KIF11: variants seen among roughly 807,000 people sequenced by gnomAD.
The protein encoded by KIF11 is kinesin-like protein KIF11.
In KIF11, 9 loss-of-function variants were observed where a neutral mutation model predicts 121.0. The observed-to-expected ratio is 0.07, with a 90% CI of 0.04 to 0.13. The LOEUF (loss-of-function observed/expected upper bound fraction) is 0.13. Among genes scored for constraint, KIF11 ranks in the 10% least tolerant of loss-of-function variants. The probability of loss-of-function intolerance (pLI) is 1.00; values close to 1 mark genes in which losing one functional copy is unlikely to be tolerated. For synonymous variants in KIF11, 408 were observed against 421.0 expected, an observed-to-expected ratio of 0.97 and a Z score of 0.38; for missense variants, 846 against 1,217.5, an observed-to-expected ratio of 0.69 and a Z score of 4.54.
intron 6 of KIF11, among the ~76,000 whole-genome samples, chr10:92,611,809 G>A (rs1179930177): frequency 2.6e-5 from 4 of 152,140 alleles, no homozygotes; most frequent in Non-Finnish European, 4.4e-5. Flanking sequence ...TGAGGCAGGA[G>A]AACTGCTTGA....
chr10:92,594,758 G>A (rs1486445550), intron 1 of KIF11, among the ~76,000 whole-genome samples: 1 of 152,012 alleles, frequency 6.6e-6, no homozygotes. Context: ...TCTTGAACTT[G>A]ATGTTTATGA....
At chr10:92,619,469 A>T (rs1404906746) in intron 9 of KIF11, among the ~76,000 whole-genome samples, 1 of 152,202 alleles carries the variant, frequency 6.6e-6, no homozygotes, top group Non-Finnish European at 1.5e-5. Flanking sequence ...ATTTATAGGT[A>T]TTTATGTAAA....
Position 92,653,962 on chromosome 10 carries a change from T to C in KIF11, c.*166T>C, listed in dbSNP as rs1358615239. The C allele has an allele frequency of 1.0e-5, 5 of 491,856 alleles. No individual in the cohort carries two copies. In the East Asian group the frequency reaches 1.2e-4, roughly 11 times the overall value. 30.5% of individuals were successfully genotyped at this position (491,856 alleles called of 1,614,324 possible). A position where few individuals can be genotyped will look rare whatever the true frequency, so the allele number is the denominator to read the frequency against. ...ACTTTGGGAGGCTGAGGCGGGTGGATTGCTTGAGCCCAGGAGTTTGAGACC... is the reference window on the plus strand; with the variant it reads ...ACTTTGGGAGGCTGAGGCGGGTGGACTGCTTGAGCCCAGGAGTTTGAGACC... On this transcript the variant is annotated 3_prime_UTR_variant, in exon 22 of 22. Transcript: ENST00000260731.
Position 92,639,900 on chromosome 10 carries a change from A to T in KIF11, c.2267A>T (p.Gln756Leu). 6.7e-7 allele frequency: 1 copy of T among 1,495,738 alleles called. No individual in the cohort carries two copies. Among genetic ancestry groups the T allele is most frequent in the Non-Finnish European group, 9.2e-7 (1 of 1,084,054 alleles). 92.7% of individuals were successfully genotyped at this position (1,495,738 alleles called of 1,614,324 possible). The change falls in exon 17 of 22, where the codon CAG becomes CTG. Residue 756 changes from glutamine to leucine, a missense_variant and splice_region_variant. By Grantham distance (113) the Gln-to-Leu change is moderately radical. Transcript: ENST00000260731. ...AGTAGTGTCCAGGAAAATATACAGC[A>T]GTAAGCTATTTTTAAATTCTCTTAA... ...PLSSVQENIQ[Q>L]KSKDIVNKMT...
chr10:92,648,340 A>G lies in KIF11; in HGVS notation c.2676A>G (p.Ile892Met), dbSNP rs769501836. 4 of 1,612,770 alleles carry G rather than the reference A, an allele frequency of 2.5e-6. No homozygotes were observed. The South Asian group carries it at 4.4e-5, about 18-fold the overall frequency. ...TGACTATTGATGAAGATAAATTGAT[A>G]GCACAAAATCTAGAACTTAATGAAA... ...DQMTIDEDKLIAQNLELNETI... is the reference protein window; with the variant it reads ...DQMTIDEDKLMAQNLELNETI... Residue 892 changes from isoleucine to methionine, a missense_variant, in exon 19 of 22, where the codon ATA becomes ATG. Coordinates refer to ENST00000260731, the MANE Select transcript of KIF11 (RefSeq NM_004523.4).
chr10:92,609,297 AGAGAGAGTGTGTGTGTGTGTGT>A (rs1208384612), intron 5 of KIF11, 66 bp from the exon 6 acceptor site: 9 of 850,822 alleles, frequency 1.1e-5, no homozygotes, highest in East Asian at 1.8e-4. Context: ...AGAGAGAGAG[AGAGAGAGTGTGTGTGTGTGTGT>A]GTGTGTGTGT....
chr10:92,612,918 T>C (rs1844512996), intron 6 of KIF11, 122 bp from the exon 7 acceptor site: 1 of 599,046 alleles, frequency 1.7e-6, no homozygotes, highest in Admixed American at 3.0e-5. Context: ...TGATATCTCC[T>C]GTCTGATGTT....
chr10:92,615,927 C>A (rs1589595157), intron 8 of KIF11, among the ~76,000 whole-genome samples: 1 of 150,794 alleles, frequency 6.6e-6, no homozygotes, highest in East Asian at 2.0e-4. Flanking sequence ...GCAGTCTTCG[C>A]CACCCGGGTT....
intron 4 of KIF11, among the ~76,000 whole-genome samples, chr10:92,608,446 G>GGTT (rs1554859517): frequency 1.7e-4 from 26 of 148,818 alleles, no homozygotes; most frequent in African/African-American, 6.2e-4. Context: ...TGAACTTGGC[G>GGTT]TTTTTTTTTT....
At chr10:92,644,851 TTA>T (rs527753015) in intron 17 of KIF11, among the ~76,000 whole-genome samples, 1 of 152,224 alleles carries the variant, frequency 6.6e-6, no homozygotes, top group Non-Finnish European at 1.5e-5. Flanking sequence ...TATATCAAGT[TTA>T]TGTTACATTG....
At chr10:92,649,767 T>C in intron 19 of KIF11, 68 bp from the exon 20 acceptor site, 3 of 1,075,736 alleles carry the variant, frequency 2.8e-6, no homozygotes, top group Non-Finnish European at 4.0e-6. Flanking sequence ...TTAGGAAGTT[T>C]TAGGTTTTTT....
chr10:92,620,024 C>A (rs900159464), intron 9 of KIF11, among the ~76,000 whole-genome samples: 2 of 149,630 alleles, frequency 1.3e-5, no homozygotes, highest in Non-Finnish European at 3.0e-5. Context: ...AAAACTAATT[C>A]ATAAGCAGTA....
At chr10:92,620,914 G>A (rs1452310238) in intron 9 of KIF11, among the ~76,000 whole-genome samples, 1 of 152,246 alleles carries the variant, frequency 6.6e-6, no homozygotes, top group Admixed American at 6.5e-5. Context: ...ATGAGATTTA[G>A]GTGGGGACAC....
intron 6 of KIF11, among the ~76,000 whole-genome samples, chr10:92,610,534 G>T (rs1844484266): frequency 6.6e-6 from 1 of 152,008 alleles, no homozygotes; most frequent in Non-Finnish European, 1.5e-5. Context: ...AACAGAAGTG[G>T]TTTTTTTGTG....
At chr10:92,598,312 A>G (rs552573925) in intron 1 of KIF11, among the ~76,000 whole-genome samples, 1 of 152,166 alleles carries the variant, frequency 6.6e-6, no homozygotes, top group Non-Finnish European at 1.5e-5. Flanking sequence ...TCTTTTGCAT[A>G]TGGATATTTA....
chr10:92,609,511 TAAG>T lies in KIF11; in HGVS notation c.698+5_698+7del. 1 of 1,605,794 alleles carries T rather than the reference TAAG, an allele frequency of 6.2e-7. No individual in the cohort carries two copies. Among genetic ancestry groups the T allele is most frequent in the Non-Finnish European group, 8.5e-7 (1 of 1,177,644 alleles). ...TACTCTGATGAATGCATACTCTAGG[TAAG>T]AAAGCCATAGTCTCTTCCCTAGCCC... On this transcript the variant is annotated splice_donor_5th_base_variant and intron_variant, in intron 6 of 21. Transcript: ENST00000260731.
chr10:92,624,078 G>T (rs1844645372), intron 10 of KIF11, among the ~76,000 whole-genome samples: 1 of 151,904 alleles, frequency 6.6e-6, no homozygotes, highest in Non-Finnish European at 1.5e-5. Context: ...GGTGACTATT[G>T]TTCCCTTCCT....
rs1349360207 is a variant in KIF11, at chr10:92,633,623, G to A, written c.1703G>A (p.Gly568Asp). ...ATCTTTCTGTTTTTGTTTGTTATAG[G>A]TAATCTGCTGTCTTCCAGTGTCTCT... Reference protein sequence around the residue: ...AMLEVHKTLFGNLLSSSVSAL... With the variant: ...AMLEVHKTLFDNLLSSSVSAL... Residue 568 changes from glycine to aspartate, a missense_variant and splice_region_variant, in exon 14 of 22, where the codon GGT becomes GAT. Physicochemically the swap from Gly to Asp is moderately conservative, Grantham distance 94. This residue lies in a region of KIF11 where 492 missense variants were observed against 603.4 expected (regional missense o/e 0.82). Transcript: ENST00000260731. The A allele has an allele frequency of 4.4e-6, 7 of 1,595,542 alleles. No homozygotes were observed. The highest frequency in any genetic ancestry group is 5.1e-6 in the Non-Finnish European group (6 of 1,167,378).
intron 21 of KIF11, among the ~76,000 whole-genome samples, chr10:92,652,691 A>G (rs1347227652): frequency 6.6e-6 from 1 of 152,242 alleles, no homozygotes. Flanking sequence ...GGGAAGGATA[A>G]GAGAACCTGG....
Sources: gnomAD v4.1 joint callset for allele counts (sites outside exome capture counted in the v4.1 genomes callset) on GRCh38, gnomAD v4.1.1 for gene constraint, gnomAD v4.1.1 regional missense constraint, MANE v1.5 for transcripts, NCBI Gene and HGNC (gene_info 2026-07-23, HGNC 2026-07-21) for gene names.